BRINP1: variants seen among roughly 807,000 people sequenced by gnomAD.
BRINP1 encodes the protein BMP/retinoic acid inducible neural specific 1, also known as BMP/retinoic acid-inducible neural-specific protein 1.
A neutral mutation model predicts 72.9 loss-of-function variants in BRINP1; 17 were observed. That is an observed-to-expected ratio of 0.23 (90% CI 0.16 to 0.35). The LOEUF is 0.35. BRINP1 is among the 10% of genes least tolerant of loss of function. The probability of loss-of-function intolerance (pLI) is 1.00; values close to 1 mark genes in which losing one functional copy is unlikely to be tolerated. For synonymous variants in BRINP1, 418 were observed against 378.5 expected (o/e 1.10, Z -1.21); for missense variants, 850 against 1,001.6 (o/e 0.85, Z 2.04).
chr9:119,360,583 T>C (rs1380575712), intron 1 of BRINP1, among the ~76,000 whole-genome samples: 1 of 152,216 alleles, frequency 6.6e-6, no homozygotes. Context: ...GATTGCTAAA[T>C]CTTAGAATGG....
intron 7 of BRINP1, among the ~76,000 whole-genome samples, chr9:119,169,833 G>A (rs1053751383): frequency 1.3e-5 from 2 of 152,196 alleles, no homozygotes; most frequent in African/African-American, 4.8e-5. Flanking sequence ...CCTGACCCCT[G>A]AGCAGCCTAA....
In BRINP1 at chr9:119,208,953, C is replaced by G; in HGVS notation, c.923-12G>C. 6.2e-7 allele frequency: 1 copy of G among 1,606,316 alleles called. No homozygotes were observed. The highest frequency in any genetic ancestry group is 8.5e-7 in the Non-Finnish European group (1 of 1,173,046). ...TGATTTAAACTCATCTAGTGAGAGACAAAGGCCGAGAGAGAAGGGCTAAGC... is the reference window on the plus strand; with the variant it reads ...TGATTTAAACTCATCTAGTGAGAGAGAAAGGCCGAGAGAGAAGGGCTAAGC... On this transcript the variant is annotated splice_polypyrimidine_tract_variant and intron_variant, in intron 6 of 7. Coordinates refer to ENST00000265922, the MANE Select transcript of BRINP1 (RefSeq NM_014618.3).
At chr9:119,181,126 G>A (rs542665838) in intron 7 of BRINP1, among the ~76,000 whole-genome samples, 1 of 152,272 alleles carries the variant, frequency 6.6e-6, no homozygotes, top group Admixed American at 6.5e-5. Flanking sequence ...GGCGCCCGGA[G>A]CTTCTCAAGG....
chr9:119,210,423 A>G (rs887827204), intron 6 of BRINP1, among the ~76,000 whole-genome samples: 5 of 152,228 alleles, frequency 3.3e-5, no homozygotes, highest in African/African-American at 1.2e-4. Context: ...GCACAGTCCT[A>G]ATCACCTAAC....
intron 2 of BRINP1, chr9:119,282,919 G>A: frequency 1.0e-6 from 1 of 985,374 alleles, no homozygotes; most frequent in Non-Finnish European, 1.2e-6. Context: ...ATGCCCCTGG[G>A]AGGAAGGTAG....
intron 1 of BRINP1, among the ~76,000 whole-genome samples, chr9:119,339,920 A>G (rs976727919): frequency 5.3e-5 from 8 of 152,064 alleles, no homozygotes; most frequent in East Asian, 3.9e-4. Flanking sequence ...TTGTTCCACT[A>G]TTAGGCTACA....
chr9:119,216,081 TGATGAC>T (rs1321414044), intron 5 of BRINP1, among the ~76,000 whole-genome samples: 1 of 152,220 alleles, frequency 6.6e-6, no homozygotes. Flanking sequence ...ATTTTTGATG[TGATGAC>T]GATGACGATA....
chr9:119,320,164 T>G (rs1310747065), intron 1 of BRINP1, among the ~76,000 whole-genome samples: 1 of 151,824 alleles, frequency 6.6e-6, no homozygotes, highest in Non-Finnish European at 1.5e-5. Flanking sequence ...AAGCCTTGGG[T>G]GGGTGGGAGA....
At chr9:119,330,769 T>C (rs1455395623) in intron 1 of BRINP1, among the ~76,000 whole-genome samples, 1 of 152,150 alleles carries the variant, frequency 6.6e-6, no homozygotes, top group Non-Finnish European at 1.5e-5. Flanking sequence ...GGCTCACACC[T>C]GTAATCCCAA....
chr9:119,314,926 T>A (rs1387504885), intron 1 of BRINP1, among the ~76,000 whole-genome samples: 1 of 152,224 alleles, frequency 6.6e-6, no homozygotes, highest in African/African-American at 2.4e-5. Context: ...TGAATGTCGA[T>A]ACTGATGTCA....
intron 5 of BRINP1, among the ~76,000 whole-genome samples, chr9:119,230,363 C>T (rs578191074): frequency 2.6e-5 from 4 of 152,070 alleles, no homozygotes; most frequent in Admixed American, 2.0e-4. Flanking sequence ...TCTGATTTGG[C>T]TTTAAGAAGA....
At chr9:119,335,794 A>G (rs1279529513) in intron 1 of BRINP1, among the ~76,000 whole-genome samples, 3 of 152,170 alleles carry the variant, frequency 2.0e-5, no homozygotes, top group Admixed American at 1.3e-4. Flanking sequence ...GATTATCAAC[A>G]CTTTCCTCAG....
chr9:119,330,271 C>A (rs1831286499), intron 1 of BRINP1, among the ~76,000 whole-genome samples: 1 of 152,134 alleles, frequency 6.6e-6, no homozygotes. Context: ...AGTCCAAATT[C>A]TTTAACAAGG....
chr9:119,360,375 T>A (rs1476358455), intron 1 of BRINP1, among the ~76,000 whole-genome samples: 1 of 152,232 alleles, frequency 6.6e-6, no homozygotes, highest in South Asian at 2.1e-4. Context: ...CCTTCCTTTA[T>A]CATGCGCCTG....
intron 2 of BRINP1, among the ~76,000 whole-genome samples, chr9:119,302,646 G>A (rs1049632585): frequency 3.3e-5 from 5 of 152,040 alleles, no homozygotes; most frequent in South Asian, 2.1e-4. Flanking sequence ...ATTTTCTGGC[G>A]TGCATGCTAA....
At chr9:119,345,925 G>A (rs1374243832) in intron 1 of BRINP1, among the ~76,000 whole-genome samples, 2 of 152,032 alleles carry the variant, frequency 1.3e-5, no homozygotes, top group African/African-American at 2.4e-5. Context: ...CAGGGTAAAT[G>A]AGGCACTATA....
At chr9:119,240,278 A>G (rs1349159403) in intron 4 of BRINP1, among the ~76,000 whole-genome samples, 1 of 152,126 alleles carries the variant, frequency 6.6e-6, no homozygotes, top group African/African-American at 2.4e-5. Flanking sequence ...CAAAAAGACA[A>G]CAACAACAAC....
intron 7 of BRINP1, among the ~76,000 whole-genome samples, chr9:119,204,261 T>C (rs1428811805): frequency 1.3e-5 from 2 of 152,152 alleles, no homozygotes; most frequent in African/African-American, 4.8e-5. Flanking sequence ...AACATACAGA[T>C]TCATAATAGA....
At chr9:119,250,688 G>A (rs1369838896) in intron 2 of BRINP1, among the ~76,000 whole-genome samples, 1 of 152,170 alleles carries the variant, frequency 6.6e-6, no homozygotes, top group African/African-American at 2.4e-5. Flanking sequence ...CCGAGTACAA[G>A]TGAAAACTTA....
Sources: allele counts gnomAD v4.1 joint callset (sites outside exome capture counted in the v4.1 genomes callset), GRCh38; gene constraint gnomAD v4.1.1; transcripts MANE v1.5; gene names NCBI Gene and HGNC (gene_info 2026-07-23, HGNC 2026-07-21).